Variants in DPP10 observed in about 807,000 individuals in gnomAD.
DPP10 encodes dipeptidyl peptidase like 10, also known as inactive dipeptidyl peptidase 10.
A neutral mutation model predicts 120.9 loss-of-function variants in DPP10; 33 were observed. The observed-to-expected ratio is 0.27, with a 90% CI of 0.21 to 0.37. DPP10 has a LOEUF of 0.37. Ranked by LOEUF, DPP10 falls within the 10% of genes least tolerant of loss-of-function variation. The pLI is 1.00. For missense variants in DPP10, 816 were observed against 942.8 expected, an observed-to-expected ratio of 0.87 and a Z score of 1.76; for synonymous variants, 337 against 326.1, an observed-to-expected ratio of 1.03 and a Z score of -0.36.
intron 1 of DPP10, among the ~76,000 whole-genome samples, chr2:115,206,212 GT>G (rs1240507292): frequency 6.6e-6 from 1 of 152,058 alleles, no homozygotes; most frequent in Non-Finnish European, 1.5e-5. Flanking sequence ...TGTTTCCCTC[GT>G]CAGGTGACTG....
intron 1 of DPP10, among the ~76,000 whole-genome samples, chr2:114,913,722 G>C (rs994409794): frequency 6.6e-6 from 1 of 152,132 alleles, no homozygotes; most frequent in Non-Finnish European, 1.5e-5. Context: ...AGACTAAAAT[G>C]GCTGAAATTA....
intron 1 of DPP10, among the ~76,000 whole-genome samples, chr2:114,820,731 A>G (rs936174030): frequency 5.9e-5 from 9 of 152,158 alleles, no homozygotes; most frequent in African/African-American, 2.2e-4. Flanking sequence ...AGCATGGGGG[A>G]ACTGCCCCCG....
chr2:114,507,917 G>T (rs1683812041), intron 1 of DPP10, among the ~76,000 whole-genome samples: 1 of 152,154 alleles, frequency 6.6e-6, no homozygotes, highest in African/African-American at 2.4e-5. Flanking sequence ...GTATCCATAA[G>T]CATAGTAATT....
intron 19 of DPP10, among the ~76,000 whole-genome samples, chr2:115,793,662 A>C (rs1279912972): frequency 6.6e-6 from 1 of 152,036 alleles, no homozygotes; most frequent in Non-Finnish European, 1.5e-5. Context: ...CATGGAATTT[A>C]CTTTGCTACT....
chr2:115,072,379 C>T (rs1707438028), intron 1 of DPP10, among the ~76,000 whole-genome samples: 1 of 152,198 alleles, frequency 6.6e-6, no homozygotes, highest in African/African-American at 2.4e-5. Context: ...CTATTCTTTA[C>T]TCTGTTGCCT....
At chr2:115,618,497 GC>G (rs1169333423) in intron 5 of DPP10, among the ~76,000 whole-genome samples, 2 of 152,104 alleles carry the variant, frequency 1.3e-5, no homozygotes, top group Non-Finnish European at 2.9e-5. Context: ...GAACAATTTG[GC>G]ACTTCCCATG....
At chr2:114,761,015 A>G (rs113617313) in intron 1 of DPP10, among the ~76,000 whole-genome samples, 3,781 of 152,306 alleles carry the variant, frequency 0.025, 88 homozygotes, top group South Asian at 0.1. Flanking sequence ...ACATACATTA[A>G]TAGATTCTGA....
At chr2:114,732,004 G>T (rs1676966845) in intron 1 of DPP10, among the ~76,000 whole-genome samples, 1 of 152,156 alleles carries the variant, frequency 6.6e-6, no homozygotes, top group Admixed American at 6.5e-5. Context: ...TTATAGGGAA[G>T]ATATCACGTC....
intron 3 of DPP10, among the ~76,000 whole-genome samples, chr2:115,429,807 A>C (rs930523271): frequency 6.6e-6 from 1 of 152,208 alleles, no homozygotes; most frequent in Non-Finnish European, 1.5e-5. Flanking sequence ...ACTTATTAGC[A>C]GTCATACAGA....
intron 1 of DPP10, among the ~76,000 whole-genome samples, chr2:114,662,433 C>T (rs983188229): frequency 2.0e-5 from 3 of 152,168 alleles, no homozygotes; most frequent in African/African-American, 7.2e-5. Context: ...AGGGAGTCCG[C>T]GGAGCGGGAC....
intron 1 of DPP10, among the ~76,000 whole-genome samples, chr2:115,033,893 C>CTTT (rs965717193): frequency 4.2e-3 from 378 of 89,850 alleles, no homozygotes; most frequent in Non-Finnish European, 5.2e-3. Context: ...TTTTCTTTTT[C>CTTT]TTTTTTTTTT....
intron 3 of DPP10, among the ~76,000 whole-genome samples, chr2:115,440,156 CGTGTGTGTGT>C (rs146453120): frequency 1.3e-5 from 2 of 149,200 alleles, no homozygotes; most frequent in Non-Finnish European, 3.0e-5. Context: ...TGTGTGTGTG[CGTGTGTGTGT>C]GTGTGAGTGC....
chr2:114,944,233 C>T (rs1697187174), intron 1 of DPP10, among the ~76,000 whole-genome samples: 1 of 152,030 alleles, frequency 6.6e-6, no homozygotes, highest in Admixed American at 6.6e-5. Context: ...AATTTATAGA[C>T]ATATTTCACA....
At chr2:115,379,180 C>T (rs2066075160) in intron 3 of DPP10, among the ~76,000 whole-genome samples, 3 of 152,120 alleles carry the variant, frequency 2.0e-5, no homozygotes, top group African/African-American at 7.2e-5. Flanking sequence ...TCCATCTGGT[C>T]CTGGACTTTT....
intron 1 of DPP10, among the ~76,000 whole-genome samples, chr2:115,140,090 C>T (rs1021831306): frequency 3.3e-5 from 5 of 152,068 alleles, no homozygotes; most frequent in Non-Finnish European, 7.4e-5. Flanking sequence ...AGAGCACAAA[C>T]ATATAAACAA....
chr2:114,779,260 A>G (rs1242521457), intron 1 of DPP10, among the ~76,000 whole-genome samples: 1 of 152,114 alleles, frequency 6.6e-6, no homozygotes, highest in African/African-American at 2.4e-5. Context: ...TGTGTTTCAT[A>G]AAGATTAAGC....
At chr2:114,783,213 A>G (rs776765096) in intron 1 of DPP10, among the ~76,000 whole-genome samples, 5 of 152,188 alleles carry the variant, frequency 3.3e-5, no homozygotes, top group Non-Finnish European at 7.4e-5. Context: ...ATAAAACTGC[A>G]TCAAAGCGAA....
chr2:114,765,494 T>C (rs958874144), intron 1 of DPP10, among the ~76,000 whole-genome samples: 2 of 152,142 alleles, frequency 1.3e-5, no homozygotes, highest in African/African-American at 4.8e-5. Flanking sequence ...ATACGAGAGA[T>C]GGAGCCACGA....
intron 3 of DPP10, among the ~76,000 whole-genome samples, chr2:115,385,549 G>A (rs2066872846): frequency 6.6e-6 from 1 of 151,912 alleles, no homozygotes; most frequent in Admixed American, 6.6e-5. Flanking sequence ...TAGAGCTGGG[G>A]TTTTACCATG....
Sources: gnomAD v4.1 joint callset for allele counts (sites outside exome capture counted in the v4.1 genomes callset) on GRCh38, gnomAD v4.1.1 for gene constraint, MANE v1.5 for transcripts, NCBI Gene and HGNC (gene_info 2026-07-23, HGNC 2026-07-21) for gene names.